GRIK2: variants seen among roughly 807,000 people sequenced by gnomAD.
The protein encoded by GRIK2 is glutamate receptor ionotropic, kainate 2.
A neutral mutation model predicts 100.3 loss-of-function variants in GRIK2; 32 were observed. The ratio of observed to expected loss-of-function variants is 0.32; its 90% CI spans 0.24 to 0.43. GRIK2 has a LOEUF of 0.43. Ranked by LOEUF, GRIK2 falls within the 20% of genes least tolerant of loss-of-function variation. The probability of loss-of-function intolerance (pLI) is 1.00; values close to 1 mark genes in which losing one functional copy is unlikely to be tolerated. For missense variants in GRIK2, 843 were observed against 1,114.9 expected, an observed-to-expected ratio of 0.76 and a Z score of 3.47; for synonymous variants, 417 against 389.4, an observed-to-expected ratio of 1.07 and a Z score of -0.83.
chr6:101,737,687 T>G (rs771081706), intron 7 of GRIK2, among the ~76,000 whole-genome samples: 1 of 152,140 alleles, frequency 6.6e-6, no homozygotes, highest in Non-Finnish European at 1.5e-5. Context: ...TGGTGAAAAA[T>G]GTAATGAAAC....
chr6:101,706,798 C>T (rs1773333707), intron 7 of GRIK2, among the ~76,000 whole-genome samples: 1 of 151,930 alleles, frequency 6.6e-6, no homozygotes, highest in Non-Finnish European at 1.5e-5. Flanking sequence ...CAAGCTCAAT[C>T]ACTGGCTGGA....
At chr6:101,521,927 A>G (rs1774900745) in intron 2 of GRIK2, among the ~76,000 whole-genome samples, 1 of 152,122 alleles carries the variant, frequency 6.6e-6, no homozygotes, top group Non-Finnish European at 1.5e-5. Flanking sequence ...TCTAAACAGT[A>G]AAGCAAGATA....
intron 9 of GRIK2, among the ~76,000 whole-genome samples, chr6:101,812,143 CA>C (rs968814461): frequency 6.6e-6 from 1 of 150,780 alleles, no homozygotes; most frequent in Non-Finnish European, 1.5e-5. Flanking sequence ...AAGAATAACA[CA>C]AAAAACATGA....
intron 10 of GRIK2, among the ~76,000 whole-genome samples, chr6:101,843,097 T>A (rs1783611668): frequency 6.6e-6 from 1 of 152,152 alleles, no homozygotes; most frequent in Non-Finnish European, 1.5e-5. Context: ...ATTTATTCGA[T>A]CTTTAAGTAG....
At chr6:101,848,969 AC>A (rs1783960437) in intron 10 of GRIK2, among the ~76,000 whole-genome samples, 1 of 152,006 alleles carries the variant, frequency 6.6e-6, no homozygotes, top group South Asian at 2.1e-4. Flanking sequence ...TGAGAAGAAT[AC>A]CTTTTACCCA....
intron 14 of GRIK2, among the ~76,000 whole-genome samples, chr6:102,013,069 T>C (rs578134020): frequency 6.6e-6 from 1 of 152,328 alleles, no homozygotes; most frequent in South Asian, 2.1e-4. Flanking sequence ...TCTATGAGTA[T>C]AGAATGTTTC....
chr6:101,538,286 G>A (rs1226882642), intron 2 of GRIK2, among the ~76,000 whole-genome samples: 1 of 151,692 alleles, frequency 6.6e-6, no homozygotes, highest in East Asian at 1.9e-4. Context: ...ACAGTAAAGT[G>A]TAGTTCTGAA....
At position 101,674,584 on chromosome 6, in the gene GRIK2, C is replaced by T. The variant is rs143046160; in HGVS notation, c.542-2039C>T. On this transcript the variant is annotated intron_variant, in intron 4 of 16. Transcript: ENST00000369134. ...CAAGTTCAAGTACCTATTTTTGTTTCTTTACAGCTCAATGTTAACACCTGT... is the reference window on the plus strand; with the variant it reads ...CAAGTTCAAGTACCTATTTTTGTTTTTTTACAGCTCAATGTTAACACCTGT... Among the ~76,000 whole-genome samples, 219 of 152,244 alleles carry T rather than the reference C, an allele frequency of 1.4e-3. 1 individual carries two copies. The highest frequency in any genetic ancestry group is 5.0e-3 in the African/African-American group (207 of 41,562).
chr6:101,844,731 C>T (rs920655970), intron 10 of GRIK2, among the ~76,000 whole-genome samples: 5 of 152,106 alleles, frequency 3.3e-5, no homozygotes, highest in African/African-American at 1.2e-4. Context: ...AATTTGAGGA[C>T]ACATGACATG....
intron 2 of GRIK2, among the ~76,000 whole-genome samples, chr6:101,579,085 G>A (rs1028390817): frequency 6.6e-6 from 1 of 151,940 alleles, no homozygotes; most frequent in African/African-American, 2.4e-5. Flanking sequence ...ACCAACACTA[G>A]GCACATTAAA....
intron 7 of GRIK2, among the ~76,000 whole-genome samples, chr6:101,693,428 G>A (rs1036127971): frequency 2.0e-5 from 3 of 150,882 alleles, no homozygotes; most frequent in Admixed American, 6.6e-5. Flanking sequence ...ATTTAAAAAT[G>A]TAGGGGAGAA....
intron 7 of GRIK2, among the ~76,000 whole-genome samples, chr6:101,787,069 T>C (rs374167253): frequency 9.9e-5 from 15 of 152,052 alleles, no homozygotes; most frequent in Non-Finnish European, 2.1e-4. Context: ...GTCTAAAAAT[T>C]TATCCATTTC....
At chr6:102,067,704 A>C (rs577538686) in intron 16 of GRIK2, among the ~76,000 whole-genome samples, 1 of 152,002 alleles carries the variant, frequency 6.6e-6, no homozygotes, top group Admixed American at 6.6e-5. Flanking sequence ...GATGACAAAA[A>C]AGTTAATATT....
chr6:101,661,915 ATC>A (rs1416740342), intron 4 of GRIK2, among the ~76,000 whole-genome samples: 1 of 152,158 alleles, frequency 6.6e-6, no homozygotes, highest in East Asian at 1.9e-4. Context: ...CTATTCGGCC[ATC>A]TTCCCAGTTA....
chr6:101,620,320 G>A (rs62421382), intron 2 of GRIK2: 33,625 of 274,462 alleles, frequency 0.12, 2,170 homozygotes, highest in Admixed American at 0.15. Flanking sequence ...CTTAACATAA[G>A]TCACCAAAGA....
chr6:101,790,136 A>G (rs534658358), intron 7 of GRIK2, among the ~76,000 whole-genome samples: 14 of 152,298 alleles, frequency 9.2e-5, no homozygotes, highest in African/African-American at 3.4e-4. Context: ...TAGATATACA[A>G]TCATGTCATC....
intron 10 of GRIK2, among the ~76,000 whole-genome samples, chr6:101,839,895 C>A (rs1027520532): frequency 1.3e-5 from 2 of 151,714 alleles, no homozygotes; most frequent in African/African-American, 4.8e-5. Context: ...GAACATATTG[C>A]ATTTTATTTT....
chr6:101,901,774 T>G (rs547654122), intron 12 of GRIK2, among the ~76,000 whole-genome samples: 46 of 152,090 alleles, frequency 3.0e-4, no homozygotes, highest in African/African-American at 1.1e-3. Flanking sequence ...AGATTATGTA[T>G]TTTAAAAAAT....
intron 2 of GRIK2, among the ~76,000 whole-genome samples, chr6:101,409,800 GA>G (rs11407177): frequency 6.6e-6 from 1 of 151,216 alleles, no homozygotes; most frequent in South Asian, 2.1e-4. Flanking sequence ...TTTTAGAGTT[GA>G]AAAAAAATTG....
Sources: allele counts gnomAD v4.1 joint callset (sites outside exome capture counted in the v4.1 genomes callset), GRCh38; gene constraint gnomAD v4.1.1; transcripts MANE v1.5; gene names NCBI Gene and HGNC (gene_info 2026-07-23, HGNC 2026-07-21).